GNAQ: variants seen among roughly 807,000 people sequenced by gnomAD.
GNAQ encodes G protein subunit alpha q, also known as guanine nucleotide-binding protein G(q) subunit alpha.
Under a neutral mutation model 43.9 loss-of-function variants are expected in GNAQ, and 8 were observed. That is an observed-to-expected ratio of 0.18 (90% CI 0.11 to 0.33). The LOEUF is 0.33. GNAQ is among the 10% of genes least tolerant of loss of function. The pLI, the probability that GNAQ is intolerant of heterozygous loss-of-function variation, is 1.00. For synonymous variants in GNAQ, 155 were observed against 170.7 expected, an observed-to-expected ratio of 0.91 and a Z score of 0.71; for missense variants, 158 against 450.8, an observed-to-expected ratio of 0.35 and a Z score of 5.88.
Position 77,962,491 on chromosome 9 carries a change from A to C in GNAQ, c.137-40146T>G, listed in dbSNP as rs189403578. Among the ~76,000 whole-genome samples the C allele has an allele frequency of 5.7e-3, 862 of 152,310 alleles. 2 individuals are homozygous for C. Among genetic ancestry groups the C allele is most frequent in the Middle Eastern group, 0.048 (14 of 294 alleles). ...TTACTGCTTACAAAAAACACTTTCA[A>C]TATGAAGATAAAAATGGTTTAAAAA... On this transcript the variant is annotated intron_variant, in intron 1 of 6. Transcript: ENST00000286548.
At chr9:77,880,671 CA>C (rs1828194385) in intron 2 of GNAQ, among the ~76,000 whole-genome samples, 1 of 152,026 alleles carries the variant, frequency 6.6e-6, no homozygotes, top group African/African-American at 2.4e-5. Context: ...CCCCACATCC[CA>C]AATTCTATTT....
intron 2 of GNAQ, among the ~76,000 whole-genome samples, chr9:77,913,430 T>G (rs565935720): frequency 6.6e-6 from 1 of 152,222 alleles, no homozygotes; most frequent in South Asian, 2.1e-4. Context: ...AAGTAAAAAT[T>G]GAGTTCCTCA....
At chr9:77,989,652 G>C (rs1823484810) in intron 1 of GNAQ, among the ~76,000 whole-genome samples, 1 of 152,236 alleles carries the variant, frequency 6.6e-6, no homozygotes, top group Admixed American at 6.5e-5. Flanking sequence ...GGATCCCAAA[G>C]AGGCTGCAGC....
At chr9:77,826,550 C>G (rs929662460) in intron 2 of GNAQ, among the ~76,000 whole-genome samples, 1 of 152,184 alleles carries the variant, frequency 6.6e-6, no homozygotes, top group African/African-American at 2.4e-5. Flanking sequence ...AACTGAGGCA[C>G]GCCTTAAGTG....
chr9:77,797,302 G>A (rs1281057149), intron 4 of GNAQ, among the ~76,000 whole-genome samples: 1 of 152,102 alleles, frequency 6.6e-6, no homozygotes, highest in Non-Finnish European at 1.5e-5. Flanking sequence ...CAAAGTGCTG[G>A]GATAACAGGC....
intron 1 of GNAQ, among the ~76,000 whole-genome samples, chr9:77,981,738 A>T (rs913827629): frequency 6.6e-6 from 1 of 152,150 alleles, no homozygotes; most frequent in African/African-American, 2.4e-5. Context: ...GCTATTAGAC[A>T]TGTCTCAAGA....
chr9:77,760,967 C>T (rs960649877), intron 5 of GNAQ, among the ~76,000 whole-genome samples: 1 of 151,336 alleles, frequency 6.6e-6, no homozygotes, highest in Non-Finnish European at 1.5e-5. Flanking sequence ...GACCCTCCGC[C>T]TGGCAACCGC....
intron 2 of GNAQ, among the ~76,000 whole-genome samples, chr9:77,831,987 C>T (rs748555424): frequency 1.3e-5 from 2 of 152,078 alleles, no homozygotes; most frequent in Non-Finnish European, 2.9e-5. Flanking sequence ...TCCACTGGCT[C>T]AGTGTCATGT....
chr9:77,981,290 A>G (rs2118494648), intron 1 of GNAQ, among the ~76,000 whole-genome samples: 2 of 152,346 alleles, frequency 1.3e-5, no homozygotes, highest in South Asian at 4.1e-4. Flanking sequence ...AGTATTTAAA[A>G]TGCTTTTAAT....
chr9:77,764,404 T>C (rs1179669570), intron 5 of GNAQ, among the ~76,000 whole-genome samples: 1 of 152,114 alleles, frequency 6.6e-6, no homozygotes, highest in Admixed American at 6.5e-5. Context: ...TCCTGTATTG[T>C]GGATAAAGCT....
chr9:77,858,481 A>G (rs1022538334), intron 2 of GNAQ, among the ~76,000 whole-genome samples: 111 of 151,766 alleles, frequency 7.3e-4, no homozygotes, highest in African/African-American at 2.6e-3. Context: ...ACTTCTCCCT[A>G]TTCCCTTAAT....
chr9:77,721,280 T>C lies in GNAQ; in HGVS notation c.*43A>G, dbSNP rs778608199. 2.4e-6 allele frequency: 3 copies of C among 1,271,526 alleles called. No homozygotes were observed. Among genetic ancestry groups the C allele is most frequent in the African/African-American group, 1.5e-5 (1 of 67,114 alleles). 78.8% of individuals were successfully genotyped at this position (1,271,526 alleles called of 1,614,324 possible). On this transcript the variant is annotated 3_prime_UTR_variant, in exon 7 of 7. Coordinates refer to ENST00000286548, the MANE Select transcript of GNAQ (RefSeq NM_002072.5). ...TACAGTCCCTCTTGTGTATCTTCAA[T>C]AGCCCACCAGGGAAGGGCAGGGCGG...
At chr9:77,823,758 G>A (rs1827150332) in intron 2 of GNAQ, among the ~76,000 whole-genome samples, 1 of 152,102 alleles carries the variant, frequency 6.6e-6, no homozygotes, top group Non-Finnish European at 1.5e-5. Context: ...GAACAGCAAA[G>A]GGGAAATCTG....
At chr9:77,925,319 T>C (rs1168682519) in intron 1 of GNAQ, among the ~76,000 whole-genome samples, 13 of 152,318 alleles carry the variant, frequency 8.5e-5, no homozygotes, top group East Asian at 1.9e-4. Flanking sequence ...AAATCTTTTA[T>C]TTATAAAGTG....
chr9:77,886,117 C>T (rs1828301607), intron 2 of GNAQ, among the ~76,000 whole-genome samples: 1 of 152,096 alleles, frequency 6.6e-6, no homozygotes, highest in South Asian at 2.1e-4. Flanking sequence ...GCTGGAATTA[C>T]AGGCACGCCT....
chr9:77,856,217 C>T (rs1280706626), intron 2 of GNAQ, among the ~76,000 whole-genome samples: 2 of 152,134 alleles, frequency 1.3e-5, no homozygotes, highest in African/African-American at 4.8e-5. Context: ...GATTCTCTAA[C>T]TCTGGAGGAA....
intron 5 of GNAQ, among the ~76,000 whole-genome samples, chr9:77,734,063 G>A (rs188605797): frequency 3.3e-5 from 5 of 152,256 alleles, no homozygotes; most frequent in Non-Finnish European, 5.9e-5. Flanking sequence ...ACAATATTTC[G>A]TGTCTACACT....
At chr9:77,808,336 C>T (rs986254174) in intron 3 of GNAQ, among the ~76,000 whole-genome samples, 4 of 150,704 alleles carry the variant, frequency 2.7e-5, no homozygotes, top group Non-Finnish European at 4.4e-5. Flanking sequence ...TCAGCATTCA[C>T]CGAGGAAGAC....
intron 5 of GNAQ, among the ~76,000 whole-genome samples, chr9:77,787,102 T>C (rs775252509): frequency 6.6e-6 from 1 of 152,304 alleles, no homozygotes; most frequent in Middle Eastern, 3.4e-3. Context: ...CTATTCTTTA[T>C]AAAAAAGTTT....
Sources: allele counts gnomAD v4.1 joint callset (sites outside exome capture counted in the v4.1 genomes callset), GRCh38; gene constraint gnomAD v4.1.1; transcripts MANE v1.5; gene names NCBI Gene and HGNC (gene_info 2026-07-23, HGNC 2026-07-21).